The following FAT2 variants were observed in gnomAD, a reference collection of about 807,000 sequenced individuals.
FAT2 encodes the protein FAT atypical cadherin 2, also known as protocadherin Fat 2.
In FAT2, 150 loss-of-function variants were observed where a neutral mutation model predicts 295.3. The observed-to-expected ratio is 0.51, with a 90% CI of 0.44 to 0.58. The LOEUF (loss-of-function observed/expected upper bound fraction) is 0.58, where lower values mean the gene tolerates loss of function less well. Ranked by LOEUF, FAT2 falls within the 20% of genes least tolerant of loss-of-function variation. The pLI is 0.00. For synonymous variants in FAT2, 2,026 were observed against 2,150.3 expected, an observed-to-expected ratio of 0.94 and a Z score of 1.60; for missense variants, 4,868 against 5,442.7, an observed-to-expected ratio of 0.89 and a Z score of 3.32.
In FAT2 at chr5:151,512,363, A is replaced by G. The variant is rs980431859; in HGVS notation, c.11707T>C (p.Ser3903Pro). Residue 3903 changes from serine (S) to proline (P), a missense_variant, in exon 21 of 24, where the codon TCG becomes CCG. Around this residue, in one of 5 missense-constraint regions of FAT2, gnomAD observed 1,046 missense variants for 1,210.1 expected, o/e 0.86. Coordinates refer to ENST00000261800, the MANE Select transcript of FAT2 (RefSeq NM_001447.3). The surrounding 1 kb of genome is among the most constrained non-coding windows in gnomAD (Gnocchi z 4.1). Reference protein sequence around the residue: ...LGGLILLHSSSNVSQGFEGCL... With the variant: ...LGGLILLHSSPNVSQGFEGCL... ...CCTTCAAAGCCCTGGGAGACATTCG[A>G]GGAAGAATGCAACAGAATGAGGCCG... is the stretch of plus-strand genomic sequence containing the variant. 4 of 1,614,102 alleles carry G rather than the reference A, an allele frequency of 2.5e-6. No individual in the cohort carries two copies.
intron 1 of FAT2, among the ~76,000 whole-genome samples, chr5:151,589,054 A>G (rs577556456): frequency 4.3e-4 from 66 of 152,296 alleles, no homozygotes; most frequent in African/African-American, 1.5e-3. Flanking sequence ...GAGTGTTAGT[A>G]CTATTAGTCC....
At chr5:151,586,335 C>G (rs147309776) in intron 1 of FAT2, among the ~76,000 whole-genome samples, 2 of 152,178 alleles carry the variant, frequency 1.3e-5, no homozygotes, top group Non-Finnish European at 2.9e-5. Flanking sequence ...CCCCAGCCAG[C>G]GGAAGGATAG....
In FAT2 at chr5:151,545,483, C is replaced by T; in HGVS notation, c.5644G>A (p.Val1882Ile). Residue 1882 changes from valine to isoleucine, a missense_variant, in exon 10 of 24, where the codon GTC becomes ATC. This residue lies in a region of FAT2 where 3,297 missense variants were observed against 3,669.4 expected (regional missense o/e 0.90). Coordinates refer to ENST00000261800, the MANE Select transcript of FAT2 (RefSeq NM_001447.3). ...FSEQIYEVAI[V>I]GPIHPGMELL... is the part of the protein sequence containing the mutation. Reference sequence around the variant, plus strand: ...TCCATGCCTGGATGGATAGGCCCGACTATTGCTACCTCATATATCTGTTCT... The same window carrying T: ...TCCATGCCTGGATGGATAGGCCCGATTATTGCTACCTCATATATCTGTTCT... 3 of 1,614,190 alleles carry T rather than the reference C, an allele frequency of 1.9e-6. No individual in the cohort carries two copies. The highest frequency in any genetic ancestry group is 2.5e-6 in the Non-Finnish European group (3 of 1,180,026).
At position 151,543,970 on chromosome 5, in the gene FAT2, G is replaced by T; in HGVS notation, c.7157C>A (p.Ala2386Asp). ...PPEFRQPQYE[A>D]NVSELATCGH... ...ACAGGTTGCCAGTTCACTGACATTG[G>T]CTTCATATTGAGGTTGTCTGAACTC... Residue 2386 changes from alanine (A) to aspartate (D), a missense_variant, in exon 10 of 24, where the codon GCC (alanine) becomes GAC (aspartate). Physicochemically the swap from Ala to Asp is moderately radical, Grantham distance 126. Transcript: ENST00000261800. 6.2e-7 allele frequency: 1 copy of T among 1,614,072 alleles called. No individual in the cohort carries two copies. The highest frequency in any genetic ancestry group is 8.5e-7 in the Non-Finnish European group (1 of 1,180,004).
rs200444071 is a variant in FAT2, at chr5:151,567,828, T to C, written c.1104A>G (p.Arg368=). Residue 368 remains arginine (R), a synonymous_variant, in exon 2 of 24, where the codon AGA becomes AGG. Transcript: ENST00000261800. ...GAGGGGAAAACTCACTAAGCTGCAC[T>C]CTGTAAACAGCCTTCTCGAATTTGA... ...SSLKFEKAVY[R]VQLSEFSPPG... The C allele has an allele frequency of 1.9e-6, 3 of 1,614,162 alleles. No individual in the cohort carries two copies. Among genetic ancestry groups the C allele is most frequent in the East Asian group, 2.2e-5 (1 of 44,876 alleles).
chr5:151,508,047 G>A (rs765696100), intron 22 of FAT2, among the ~76,000 whole-genome samples: 11 of 152,190 alleles, frequency 7.2e-5, no homozygotes, highest in African/African-American at 9.7e-5. Flanking sequence ...AGGAGCCAAC[G>A]TGGTCCTGCA....
At chr5:151,534,687 T>C in intron 12 of FAT2, 45 bp from the exon 13 acceptor site, 1 of 1,547,538 alleles carries the variant, frequency 6.5e-7, no homozygotes. Flanking sequence ...TGGGGAAATA[T>C]TACCCAAGCA....
At chr5:151,540,435 TCTC>T (rs1756007371) in intron 11 of FAT2, 129 bp downstream of exon 11, 1 of 577,596 alleles carries the variant, frequency 1.7e-6, no homozygotes, top group Non-Finnish European at 3.1e-6. Context: ...CAATCTCCCT[TCTC>T]CTGCCCCTCA....
intron 8 of FAT2, 118 bp from the exon 9 acceptor site, chr5:151,549,623 C>G (rs115119137): frequency 1.4e-6 from 1 of 733,264 alleles, no homozygotes; most frequent in African/African-American, 1.8e-5. Flanking sequence ...TAACTAACTC[C>G]CCATATTCTT....
At chr5:151,534,227 A>G (rs1754985341) in intron 13 of FAT2, among the ~76,000 whole-genome samples, 182 bp downstream of exon 13, 1 of 152,192 alleles carries the variant, frequency 6.6e-6, no homozygotes, top group Admixed American at 6.5e-5. Context: ...TGCTAAAATC[A>G]TTTGTCATAT....
At chr5:151,542,173 G>A in intron 10 of FAT2, 112 bp downstream of exon 10, 1 of 1,027,620 alleles carries the variant, frequency 9.7e-7, no homozygotes, top group Non-Finnish European at 1.4e-6. Flanking sequence ...TGTGCCCAAG[G>A]TCACACTGCT....
intron 1 of FAT2, among the ~76,000 whole-genome samples, chr5:151,584,138 G>A (rs1390284608): frequency 6.6e-6 from 1 of 151,848 alleles, no homozygotes; most frequent in Non-Finnish European, 1.5e-5. Context: ...TCACAGCTAT[G>A]GGATCTTGGA....
In FAT2 at chr5:151,564,244, C is replaced by T. The variant is rs532757018; in HGVS notation, c.3260-605G>A. Reference sequence around the variant, plus strand: ...ACACCTGAAGTTCTCATGGATCATGCTGTACTGGCAGGGCCTGTGTGAGAG... The same window carrying T: ...ACACCTGAAGTTCTCATGGATCATGTTGTACTGGCAGGGCCTGTGTGAGAG... On this transcript the variant is annotated intron_variant, in intron 2 of 23. Transcript: ENST00000261800. Among the ~76,000 whole-genome samples the T allele has an allele frequency of 2.0e-5, 3 of 152,344 alleles. No individual in the cohort carries two copies. The South Asian group carries it at 6.2e-4, about 32-fold the overall frequency.
chr5:151,565,596 G>T, intron 2 of FAT2, 77 bp downstream of exon 2: 1 of 1,435,682 alleles, frequency 7.0e-7, no homozygotes, highest in Non-Finnish European at 9.3e-7. Context: ...TTTTCCTTCA[G>T]CCCGCAGGCT....
intron 16 of FAT2, 129 bp downstream of exon 16, chr5:151,527,867 A>G: frequency 1.6e-6 from 2 of 1,252,646 alleles, no homozygotes; most frequent in East Asian, 2.4e-5. Context: ...AAAACAAGTG[A>G]GAGACATTCT....
At chr5:151,536,928 G>A (rs1266707425) in intron 12 of FAT2, among the ~76,000 whole-genome samples, 1 of 152,130 alleles carries the variant, frequency 6.6e-6, no homozygotes, top group Non-Finnish European at 1.5e-5. Flanking sequence ...CTTCTGTCAG[G>A]TCCTCAGTGT....
intron 14 of FAT2, among the ~76,000 whole-genome samples, chr5:151,530,398 C>G (rs781315603): frequency 6.6e-6 from 1 of 152,134 alleles, no homozygotes; most frequent in Non-Finnish European, 1.5e-5. Context: ...CTAGGAAATA[C>G]AAGGACCTGA....
chr5:151,553,128 A>G (rs759389808), intron 6 of FAT2, 49 bp downstream of exon 6: 2 of 1,571,082 alleles, frequency 1.3e-6, no homozygotes, highest in African/African-American at 1.3e-5. Flanking sequence ...GAGCTGGTGT[A>G]TAAGGATGGG....
chr5:151,550,933 G>C, intron 7 of FAT2, 62 bp from the exon 8 acceptor site: 5 of 1,501,730 alleles, frequency 3.3e-6, no homozygotes, highest in South Asian at 1.2e-5. Flanking sequence ...GACTGGGTCT[G>C]TCTGGACCTC....
Sources: gnomAD v4.1 joint callset for allele counts (sites outside exome capture counted in the v4.1 genomes callset) on GRCh38, gnomAD v4.1.1 for gene constraint, gnomAD v4.1.1 regional missense constraint, Gnocchi (gnomAD v3.1) non-coding constraint, MANE v1.5 for transcripts, NCBI Gene and HGNC (gene_info 2026-07-23, HGNC 2026-07-21) for gene names.